The following MRTFB variants were observed in gnomAD, a reference collection of about 807,000 sequenced individuals.
The protein encoded by MRTFB is myocardin-related transcription factor B.
In MRTFB, 29 loss-of-function variants were observed where a neutral mutation model predicts 104.2. The observed-to-expected ratio is 0.28, with a 90% CI of 0.21 to 0.38. The LOEUF (loss-of-function observed/expected upper bound fraction) is 0.38, where lower values mean the gene tolerates loss of function less well. MRTFB is among the 10% of genes least tolerant of loss of function. The probability of loss-of-function intolerance (pLI) is 1.00; values close to 1 mark genes in which losing one functional copy is unlikely to be tolerated. For synonymous variants in MRTFB, 535 were observed against 519.5 expected, an observed-to-expected ratio of 1.03 and a Z score of -0.41; for missense variants, 1,270 against 1,341.6, an observed-to-expected ratio of 0.95 and a Z score of 0.83.
In MRTFB at chr16:14,265,689, A is replaced by G. The variant is rs2043925172; in HGVS notation, c.*4245A>G. On this transcript the variant is annotated 3_prime_UTR_variant, in exon 17 of 17. Transcript: ENST00000571589. ...CATCATTACAAAGGGTTTCTACCTG[A>G]AATCTTTCATGGAAGGCCTACAATT... is the stretch of plus-strand genomic sequence containing the variant. 1 of 152,218 alleles carries G rather than the reference A, an allele frequency of 6.6e-6. No individual in the cohort carries two copies. Among genetic ancestry groups the G allele is most frequent in the African/African-American group, 2.4e-5 (1 of 41,444 alleles). 9.4% of individuals were successfully genotyped at this position (152,218 alleles called of 1,614,324 possible).
At chr16:14,039,664 C>T in the MRTFB span, among the ~76,000 whole-genome samples, 8 of 151,168 alleles carry the variant, frequency 5.3e-5, no homozygotes, top group Non-Finnish European at 8.8e-5. Context: ...TTTCATATAG[C>T]ATATTATTAG....
chr16:14,196,311 A>G (rs989856676), intron 3 of MRTFB, among the ~76,000 whole-genome samples: 4 of 152,218 alleles, frequency 2.6e-5, no homozygotes, highest in African/African-American at 9.6e-5. Context: ...ACAGTGTATT[A>G]GTCTGGAATA....
chr16:14,046,999 A>T, the MRTFB span, among the ~76,000 whole-genome samples: 1 of 152,140 alleles, frequency 6.6e-6, no homozygotes, highest in Non-Finnish European at 1.5e-5. Context: ...TAGTTACTGA[A>T]CTCTATCATA....
the MRTFB span, among the ~76,000 whole-genome samples, chr16:14,000,481 C>T: frequency 1.3e-5 from 2 of 152,214 alleles, no homozygotes; most frequent in Non-Finnish European, 2.9e-5. Flanking sequence ...CCCCATTTCC[C>T]AGTTGGGAAA....
chr16:14,000,179 C>T, the MRTFB span, among the ~76,000 whole-genome samples: 4 of 152,202 alleles, frequency 2.6e-5, no homozygotes, highest in Non-Finnish European at 1.5e-5. Context: ...AACTCCCAAG[C>T]GCCTGTAGCA....
chr16:14,161,085 C>CTTTTTTTTTTT lies in MRTFB; in HGVS notation c.154+20341_154+20351dup, dbSNP rs57360069. Reference sequence around the variant, plus strand: ...TCTGTTTTAGTAGGTAATGCCAGGACTTTTTTTTTTTTTTTTTTTTTTTTT... The same window carrying CTTTTTTTTTTT: ...TCTGTTTTAGTAGGTAATGCCAGGACTTTTTTTTTTTTTTTTTTTTTTTTTTTTTTTTTTTT... On this transcript the variant is annotated intron_variant, in intron 3 of 16. Coordinates refer to ENST00000571589, the MANE Select transcript of MRTFB (RefSeq NM_001308142.2). Among the ~76,000 whole-genome samples, 8 of 53,124 alleles carry CTTTTTTTTTTT rather than the reference C, an allele frequency of 1.5e-4. 2 individuals are homozygous for CTTTTTTTTTTT. The highest frequency in any genetic ancestry group is 3.9e-4 in the African/African-American group (4 of 10,288). 34.9% of individuals were successfully genotyped at this position (53,124 alleles called of 152,430 possible). A position where few individuals can be genotyped will look rare whatever the true frequency, so the allele number is the denominator to read the frequency against.
chr16:14,243,864 G>GTTTGTTTTTTTTTTTTTTTTTTTTTTTT (rs750881308), intron 10 of MRTFB, among the ~76,000 whole-genome samples: 19 of 124,646 alleles, frequency 1.5e-4, no homozygotes, highest in African/African-American at 7.2e-4. Context: ...CCTGTTTTGG[G>GTTTGTTTTTTTTTTTTTTTTTTTTTTTT]TTTTTTTTTT....
intron 8 of MRTFB, among the ~76,000 whole-genome samples, chr16:14,233,804 A>G (rs2042376257): frequency 6.6e-6 from 1 of 150,792 alleles, no homozygotes. Flanking sequence ...AAAAAAAAAA[A>G]GAATGCCATG....
intron 3 of MRTFB, among the ~76,000 whole-genome samples, chr16:14,173,482 C>G (rs1193425459): frequency 6.6e-6 from 1 of 152,104 alleles, no homozygotes; most frequent in African/African-American, 2.4e-5. Context: ...CTATTATAAT[C>G]TCTAACTGCT....
the MRTFB span, among the ~76,000 whole-genome samples, chr16:14,057,859 G>A: frequency 6.6e-6 from 1 of 152,190 alleles, no homozygotes; most frequent in East Asian, 1.9e-4. Flanking sequence ...AGCTCCTCCT[G>A]GGAGGAAAGA....
chr16:14,079,355 G>GT lies in MRTFB; in HGVS notation c.-64+2dup. The GT allele has an allele frequency of 2.9e-6, 1 of 350,814 alleles. No individual in the cohort carries two copies. The highest frequency in any genetic ancestry group is 5.2e-6 in the Non-Finnish European group (1 of 192,668). The allele number at this position is 350,814 out of a possible 1,614,324, so 21.7% of individuals were successfully genotyped here. ...AAAATAATTAAATATTCTTACCGAG[G>GT]TAAGTTTTTTTATAATTTTTTTTTA... On this transcript the variant is annotated splice_donor_variant, in intron 2 of 16. Transcript: ENST00000571589. LOFTEE classifies it low-confidence loss of function (5UTR_SPLICE).
chr16:14,026,385 C>A, the MRTFB span, among the ~76,000 whole-genome samples: 1 of 152,070 alleles, frequency 6.6e-6, no homozygotes. Context: ...CAAACCAAGC[C>A]TCACAACTTA....
At chr16:14,136,103 C>T (rs2037706592) in intron 2 of MRTFB, among the ~76,000 whole-genome samples, 1 of 151,960 alleles carries the variant, frequency 6.6e-6, no homozygotes, top group African/African-American at 2.4e-5. Context: ...AGATCCCTGT[C>T]TCTACTAAAA....
intron 2 of MRTFB, among the ~76,000 whole-genome samples, chr16:14,084,111 T>C (rs1567303498): frequency 6.6e-6 from 1 of 152,206 alleles, no homozygotes; most frequent in Non-Finnish European, 1.5e-5. Context: ...TGTTTTTCAG[T>C]CTATTGCCTT....
At chr16:14,109,556 A>G (rs899617786) in intron 2 of MRTFB, among the ~76,000 whole-genome samples, 3 of 152,274 alleles carry the variant, frequency 2.0e-5, no homozygotes, top group South Asian at 4.2e-4. Flanking sequence ...TCCACTCTAA[A>G]TAGCTATTTT....
At chr16:14,151,408 A>T (rs1337053871) in intron 3 of MRTFB, 1 of 152,210 alleles carries the variant, frequency 6.6e-6, no homozygotes, top group Admixed American at 6.5e-5. Context: ...ATTTTGCAAC[A>T]CATTTATTGA....
the MRTFB span, among the ~76,000 whole-genome samples, chr16:14,052,403 A>T: frequency 6.6e-6 from 1 of 152,188 alleles, no homozygotes; most frequent in Non-Finnish European, 1.5e-5. Flanking sequence ...CTTATCATTT[A>T]TCTGTGCTGG....
chr16:14,035,628 C>A, the MRTFB span, among the ~76,000 whole-genome samples: 3 of 152,084 alleles, frequency 2.0e-5, no homozygotes, highest in African/African-American at 7.2e-5. Context: ...ATGTCACTTC[C>A]CCACTTTCCT....
At chr16:14,006,347 G>T in the MRTFB span, among the ~76,000 whole-genome samples, 1 of 141,160 alleles carries the variant, frequency 7.1e-6, no homozygotes, top group African/African-American at 2.6e-5. Flanking sequence ...CGTCTCAAAA[G>T]AAAAAAAAAA....
Sources: allele counts gnomAD v4.1 joint callset (sites outside exome capture counted in the v4.1 genomes callset), GRCh38; gene constraint gnomAD v4.1.1; transcripts MANE v1.5; gene names NCBI Gene and HGNC (gene_info 2026-07-23, HGNC 2026-07-21).